Variants in CDH13 observed in about 807,000 individuals in gnomAD.
CDH13 encodes cadherin 13.
A neutral mutation model predicts 63.8 loss-of-function variants in CDH13; 24 were observed. That is an observed-to-expected ratio of 0.38 (90% CI 0.27 to 0.53). The LOEUF is 0.53. Among genes scored for constraint, CDH13 ranks in the 20% least tolerant of loss-of-function variants. CDH13 has a pLI of 0.85. For synonymous variants in CDH13, 503 were observed against 355.3 expected (o/e 1.42, Z -4.67); for missense variants, 1,049 against 903.1 (o/e 1.16, Z -2.07).
chr16:82,827,194 G>T (rs1032126228), intron 1 of CDH13, among the ~76,000 whole-genome samples: 2 of 152,142 alleles, frequency 1.3e-5, no homozygotes, highest in African/African-American at 4.8e-5. Flanking sequence ...CTTAGAAATG[G>T]ATAAAGTTTA....
At chr16:82,912,941 T>TA (rs761888655) in intron 2 of CDH13, among the ~76,000 whole-genome samples, 1,379 of 129,080 alleles carry the variant, frequency 0.011, 13 homozygotes, top group Middle Eastern at 0.024. Context: ...AGACTGTGAC[T>TA]AAAAAAAAAA....
intron 8 of CDH13, among the ~76,000 whole-genome samples, chr16:83,647,035 G>C (rs1911887635): frequency 6.6e-6 from 1 of 151,934 alleles, no homozygotes; most frequent in Admixed American, 6.6e-5. Flanking sequence ...CATCGGCCAG[G>C]CGCGGTGGCT....
chr16:83,092,755 G>A (rs2033980732), intron 3 of CDH13, among the ~76,000 whole-genome samples: 1 of 152,158 alleles, frequency 6.6e-6, no homozygotes, highest in Admixed American at 6.5e-5. Context: ...ACCCCAAAGA[G>A]TAGGAAGCCG....
chr16:82,691,121 A>C (rs1009972883), intron 1 of CDH13, among the ~76,000 whole-genome samples: 1 of 152,248 alleles, frequency 6.6e-6, no homozygotes, highest in African/African-American at 2.4e-5. Flanking sequence ...CACTGGACTC[A>C]GAGATATAAC....
intron 2 of CDH13, chr16:82,859,373 C>A (rs961334622): frequency 6.6e-6 from 1 of 152,160 alleles, no homozygotes; most frequent in Non-Finnish European, 1.5e-5. Context: ...GTCTGGGCAA[C>A]CTGGTGAAAC....
intron 7 of CDH13, among the ~76,000 whole-genome samples, chr16:83,539,168 C>G (rs576572340): frequency 6.6e-6 from 1 of 152,150 alleles, no homozygotes; most frequent in Non-Finnish European, 1.5e-5. Context: ...TTGTGGAAGA[C>G]AATTTTTCTG....
At chr16:83,472,282 A>T (rs1456255288) in intron 6 of CDH13, among the ~76,000 whole-genome samples, 4 of 152,226 alleles carry the variant, frequency 2.6e-5, no homozygotes, top group African/African-American at 9.6e-5. Flanking sequence ...CCCTCTGAGT[A>T]TTGTGAGTCT....
intron 5 of CDH13, among the ~76,000 whole-genome samples, chr16:83,256,332 C>T (rs931065496): frequency 4.6e-5 from 7 of 152,002 alleles, no homozygotes; most frequent in African/African-American, 1.7e-4. Flanking sequence ...TACACTTGGC[C>T]CATAAGTGAT....
intron 2 of CDH13, among the ~76,000 whole-genome samples, chr16:82,901,665 A>G (rs988153183): frequency 6.6e-6 from 1 of 152,206 alleles, no homozygotes; most frequent in Non-Finnish European, 1.5e-5. Context: ...ATTGGATTAA[A>G]TGGATTAATA....
At chr16:83,437,488 T>C (rs1598018811) in intron 6 of CDH13, among the ~76,000 whole-genome samples, 1 of 152,070 alleles carries the variant, frequency 6.6e-6, no homozygotes, top group Non-Finnish European at 1.5e-5. Context: ...CCATCCTGGC[T>C]AACACAGTGA....
At chr16:83,379,096 C>T (rs1198181980) in intron 6 of CDH13, among the ~76,000 whole-genome samples, 2 of 151,686 alleles carry the variant, frequency 1.3e-5, no homozygotes, top group Non-Finnish European at 2.9e-5. Context: ...TTAGCTTTAC[C>T]CCATGGGAAG....
At chr16:83,189,254 C>A (rs936468116) in intron 4 of CDH13, among the ~76,000 whole-genome samples, 2 of 152,216 alleles carry the variant, frequency 1.3e-5, no homozygotes, top group Non-Finnish European at 2.9e-5. Flanking sequence ...AGACCCTCAG[C>A]TGCAAGCTCA....
chr16:83,569,948 G>T (rs375958637), intron 7 of CDH13, among the ~76,000 whole-genome samples: 1 of 152,142 alleles, frequency 6.6e-6, no homozygotes, highest in East Asian at 1.9e-4. Flanking sequence ...TATTGGCCAG[G>T]TTGGTCTCGA....
At chr16:82,917,992 T>C (rs910714944) in intron 2 of CDH13, among the ~76,000 whole-genome samples, 3 of 151,090 alleles carry the variant, frequency 2.0e-5, no homozygotes, top group Non-Finnish European at 4.4e-5. Context: ...ATCACAAGTG[T>C]ATGGGATCCT....
chr16:83,032,995 T>G (rs1315511365), intron 3 of CDH13, among the ~76,000 whole-genome samples: 1 of 152,314 alleles, frequency 6.6e-6, no homozygotes, highest in South Asian at 2.1e-4. Flanking sequence ...ATATATTACA[T>G]GCACATATAC....
intron 10 of CDH13, among the ~76,000 whole-genome samples, chr16:83,712,925 C>T (rs749377975): frequency 6.6e-6 from 1 of 152,138 alleles, no homozygotes; most frequent in Non-Finnish European, 1.5e-5. Flanking sequence ...AAAAATGTTC[C>T]GCAAAGTGAC....
intron 3 of CDH13, among the ~76,000 whole-genome samples, chr16:83,057,486 C>T (rs2151515889): frequency 6.6e-6 from 1 of 151,882 alleles, no homozygotes; most frequent in East Asian, 1.9e-4. Flanking sequence ...ACATGTTATG[C>T]TTTAATTAGA....
chr16:83,249,664 A>T (rs537653960), intron 5 of CDH13, among the ~76,000 whole-genome samples: 1 of 152,262 alleles, frequency 6.6e-6, no homozygotes, highest in South Asian at 2.1e-4. Context: ...TGTAGCAGAA[A>T]CCTGGCTGGG....
chr16:82,895,586 G>A (rs1253129337), intron 2 of CDH13, among the ~76,000 whole-genome samples: 4 of 152,092 alleles, frequency 2.6e-5, no homozygotes, highest in African/African-American at 9.7e-5. Flanking sequence ...GCGCTGTATG[G>A]GTTGGGATAA....
Sources: allele counts gnomAD v4.1 joint callset (sites outside exome capture counted in the v4.1 genomes callset), GRCh38; gene constraint gnomAD v4.1.1; transcripts MANE v1.5; gene names NCBI Gene and HGNC (gene_info 2026-07-23, HGNC 2026-07-21).